MARCHF1: variants seen among roughly 807,000 people sequenced by gnomAD.
MARCHF1 encodes E3 ubiquitin-protein ligase MARCHF1.
Under a neutral mutation model 54.2 loss-of-function variants are expected in MARCHF1, and 40 were observed. That is an observed-to-expected ratio of 0.74 (90% CI 0.57 to 0.96). MARCHF1 has a LOEUF of 0.96. Ranked by LOEUF, MARCHF1 falls within the 40% of genes least tolerant of loss-of-function variation. The pLI, the probability that MARCHF1 is intolerant of heterozygous loss-of-function variation, is 0.00. For missense variants in MARCHF1, 586 were observed against 656.5 expected (o/e 0.89, Z 1.17); for synonymous variants, 236 against 236.3 (o/e 1.00, Z 0.01).
intron 1 of MARCHF1, among the ~76,000 whole-genome samples, chr4:164,232,075 G>C (rs1419907711): frequency 6.6e-6 from 1 of 152,080 alleles, no homozygotes; most frequent in Non-Finnish European, 1.5e-5. Context: ...CTAAAGAAAA[G>C]AAGGCAGCCA....
chr4:163,975,164 GCT>G (rs55675178), intron 3 of MARCHF1, among the ~76,000 whole-genome samples: 3,632 of 127,042 alleles, frequency 0.029, 59 homozygotes, highest in East Asian at 0.076. Context: ...TCATAATAAA[GCT>G]CTCTCTCTCT....
At chr4:163,636,899 T>C (rs1318238371) in intron 5 of MARCHF1, among the ~76,000 whole-genome samples, 2 of 152,096 alleles carry the variant, frequency 1.3e-5, no homozygotes, top group Non-Finnish European at 2.9e-5. Flanking sequence ...AAAACAGAGA[T>C]ACAGATCAAT....
chr4:164,076,087 A>G (rs1754972690), intron 2 of MARCHF1, among the ~76,000 whole-genome samples: 1 of 152,096 alleles, frequency 6.6e-6, no homozygotes, highest in Non-Finnish European at 1.5e-5. Flanking sequence ...CTGTTTGAAA[A>G]AAGATAACTT....
chr4:164,255,880 T>C (rs1005921343), intron 1 of MARCHF1, among the ~76,000 whole-genome samples: 15 of 152,286 alleles, frequency 9.8e-5, no homozygotes, highest in Admixed American at 9.8e-4. Flanking sequence ...ATTGAGGTTA[T>C]GAATGACATA....
intron 2 of MARCHF1, among the ~76,000 whole-genome samples, chr4:164,071,222 G>A (rs772576315): frequency 7.2e-5 from 11 of 152,094 alleles, no homozygotes; most frequent in South Asian, 2.1e-4. Flanking sequence ...AGTAAAACAT[G>A]TTTGTTCAAT....
Position 164,267,564 on chromosome 4 carries a change from T to C in MARCHF1, c.-323+116306A>G, listed in dbSNP as rs528887874. Among the ~76,000 whole-genome samples the C allele has an allele frequency of 2.0e-5, 3 of 152,212 alleles. No individual in the cohort carries two copies. The East Asian group carries it at 5.8e-4, about 29-fold the overall frequency. ...CAAACTGAGAGAAACTGAATCTAAC[T>C]AAGAACCATGTGAGTGAGCTGGGAA... On this transcript the variant is annotated intron_variant, in intron 1 of 9. Transcript: ENST00000514618.
At chr4:163,840,665 G>A (rs928309990) in intron 4 of MARCHF1, among the ~76,000 whole-genome samples, 3 of 152,100 alleles carry the variant, frequency 2.0e-5, no homozygotes, top group South Asian at 2.1e-4. Context: ...AGAGATGCTC[G>A]TCAAAATACA....
chr4:163,613,144 T>C, intron 6 of MARCHF1, 106 bp from the exon 7 acceptor site: 2 of 1,249,008 alleles, frequency 1.6e-6, no homozygotes, highest in South Asian at 3.4e-5. Context: ...CAGAAGTAGA[T>C]AAATAAAGAT....
chr4:164,021,786 G>A (rs1364201117), intron 2 of MARCHF1, among the ~76,000 whole-genome samples: 5 of 151,704 alleles, frequency 3.3e-5, no homozygotes, highest in African/African-American at 7.3e-5. Flanking sequence ...CCTGGGAGGC[G>A]GAGGTTGCAG....
chr4:164,165,984 G>C (rs1038582416), intron 1 of MARCHF1, among the ~76,000 whole-genome samples: 1 of 151,828 alleles, frequency 6.6e-6, no homozygotes. Context: ...TCATATAAAA[G>C]TATAGAGGCT....
Position 164,188,407 on chromosome 4 carries a change from G to A in MARCHF1, c.-322-76745C>T, listed in dbSNP as rs913941360. 12 of 535,708 alleles carry A rather than the reference G, an allele frequency of 2.2e-5. No homozygotes were observed. In the Admixed American group the frequency reaches 2.9e-4, roughly 13 times the overall value. 33.2% of individuals were successfully genotyped at this position (535,708 alleles called of 1,614,324 possible). On this transcript the variant is annotated intron_variant, in intron 1 of 9. Coordinates refer to ENST00000514618, the MANE Select transcript of MARCHF1 (RefSeq NM_001394959.1). Reference sequence around the variant, plus strand: ...AGATGAAGCTCTCCCTGGTGGCGGCGATGCTGCTGCTACTCGGTGAGGCGT... The same window carrying A: ...AGATGAAGCTCTCCCTGGTGGCGGCAATGCTGCTGCTACTCGGTGAGGCGT...
chr4:163,726,994 C>G (rs1745674974), intron 4 of MARCHF1, among the ~76,000 whole-genome samples: 1 of 152,118 alleles, frequency 6.6e-6, no homozygotes, highest in Non-Finnish European at 1.5e-5. Context: ...ATTTATCTTG[C>G]AAGTATTTTC....
At chr4:163,524,519 G>C (rs1738034134), downstream of MARCHF1, 1 of 152,026 alleles carries the variant, frequency 6.6e-6, no homozygotes. Context: ...AGGTTTGAAA[G>C]TCCACATAGT....
chr4:164,190,161 G>A (rs1731087535), intron 1 of MARCHF1: 4 of 1,560,886 alleles, frequency 2.6e-6, no homozygotes, highest in Middle Eastern at 3.5e-4. Context: ...CATGGAAAAA[G>A]CTGTAGAAGA....
At chr4:164,132,571 C>A (rs1756323284) in intron 1 of MARCHF1, among the ~76,000 whole-genome samples, 1 of 152,126 alleles carries the variant, frequency 6.6e-6, no homozygotes, top group African/African-American at 2.4e-5. Context: ...ACTGCAAGTT[C>A]TGGCTATTTT....
intron 2 of MARCHF1, among the ~76,000 whole-genome samples, chr4:164,063,238 C>G (rs916343195): frequency 6.6e-6 from 1 of 152,208 alleles, no homozygotes; most frequent in African/African-American, 2.4e-5. Context: ...GTCAGACTGT[C>G]CTTTGAAGCT....
intron 4 of MARCHF1, among the ~76,000 whole-genome samples, chr4:163,802,558 T>G (rs764318825): frequency 3.9e-5 from 6 of 152,210 alleles, no homozygotes; most frequent in Non-Finnish European, 8.8e-5. Context: ...CTGCAGTGTT[T>G]TTTACAGGAG....
intron 1 of MARCHF1, among the ~76,000 whole-genome samples, chr4:164,288,615 G>C (rs1033173273): frequency 2.0e-5 from 3 of 152,020 alleles, no homozygotes; most frequent in Admixed American, 6.6e-5. Context: ...CATCAAGCTA[G>C]ATTAAATGCC....
At chr4:163,743,227 C>CA (rs888828526) in intron 4 of MARCHF1, among the ~76,000 whole-genome samples, 6 of 151,622 alleles carry the variant, frequency 4.0e-5, no homozygotes, top group African/African-American at 9.7e-5. Flanking sequence ...ACTAGAGGGT[C>CA]AAAAAAAAGA....
Sources: gnomAD v4.1 joint callset for allele counts (sites outside exome capture counted in the v4.1 genomes callset) on GRCh38, gnomAD v4.1.1 for gene constraint, MANE v1.5 for transcripts, NCBI Gene and HGNC (gene_info 2026-07-23, HGNC 2026-07-21) for gene names.